ADGRE1: variants seen among roughly 807,000 people sequenced by gnomAD.
ADGRE1 encodes the protein EGF-like module receptor 1.
Under a neutral mutation model 102.7 loss-of-function variants are expected in ADGRE1, and 82 were observed. That is an observed-to-expected ratio of 0.80 (90% CI 0.67 to 0.96). ADGRE1 has a LOEUF of 0.96. Among genes scored for constraint, ADGRE1 ranks in the 40% least tolerant of loss-of-function variants. The probability of loss-of-function intolerance (pLI) is 0.00; values close to 1 mark genes in which losing one functional copy is unlikely to be tolerated. For missense variants in ADGRE1, 1,032 were observed against 1,085.3 expected (o/e 0.95, Z 0.69); for synonymous variants, 398 against 399.6 (o/e 1.00, Z 0.05).
At chr19:6,894,971 G>T (rs1973498144) in intron 2 of ADGRE1, 1 of 152,164 alleles carries the variant, frequency 6.6e-6, no homozygotes, top group South Asian at 2.1e-4. Flanking sequence ...AGTGTTGATT[G>T]TTTCCATAGA....
intron 15 of ADGRE1, among the ~76,000 whole-genome samples, chr19:6,925,878 A>G (rs571236886): frequency 3.3e-5 from 5 of 151,542 alleles, no homozygotes; most frequent in Non-Finnish European, 7.4e-5. Flanking sequence ...GTATTTTTGT[A>G]TAGAGAGGGG....
rs1366285132 is a variant in ADGRE1 at position 6,887,644 on chromosome 19, G to A, written c.31+5G>A. 1.2e-6 allele frequency: 2 copies of A among 1,609,744 alleles called. No individual in the cohort carries two copies. Among genetic ancestry groups the A allele is most frequent in the Non-Finnish European group, 1.7e-6 (2 of 1,178,352 alleles). On this transcript the variant is annotated splice_donor_5th_base_variant and intron_variant, in intron 1 of 20. Coordinates refer to ENST00000312053, the MANE Select transcript of ADGRE1 (RefSeq NM_001974.5). Reference sequence around the variant, plus strand: ...TCAACCTGCTCCTCTTCTGGGGTGAGTGTGAGGCTGAATGGGGGGCTAGGG... The same window carrying A: ...TCAACCTGCTCCTCTTCTGGGGTGAATGTGAGGCTGAATGGGGGGCTAGGG...
chr19:6,936,891 G>A (rs1378617506), intron 18 of ADGRE1, among the ~76,000 whole-genome samples: 3 of 152,118 alleles, frequency 2.0e-5, no homozygotes, highest in Admixed American at 2.0e-4. Flanking sequence ...CCAAAGTGCT[G>A]GGATTACAAG....
intron 3 of ADGRE1, chr19:6,896,901 G>GAT: frequency 2.0e-6 from 1 of 504,508 alleles, no homozygotes; most frequent in Non-Finnish European, 3.4e-6. Context: ...GGATTCCAAG[G>GAT]ATAAGCATCC....
In ADGRE1 at chr19:6,887,637, G is replaced by A. The variant is rs375695828; in HGVS notation, c.29G>A (p.Trp10Ter). Reference sequence around the variant, plus strand: ...CGTGGCTTCAACCTGCTCCTCTTCTGGGGTGAGTGTGAGGCTGAATGGGGG... The same window carrying A: ...CGTGGCTTCAACCTGCTCCTCTTCTAGGGTGAGTGTGAGGCTGAATGGGGG... MRGFNLLLF[W>*]GCCVMHSWEG... is the part of the protein sequence containing the mutation. The change falls in exon 1 of 21, where the codon TGG becomes TAG. Residue 10 changes from tryptophan to a stop codon, truncating the protein, a stop_gained and splice_region_variant. Transcript: ENST00000312053. LOFTEE classifies it high-confidence loss of function. The A allele has an allele frequency of 6.2e-7, 1 of 1,611,440 alleles. No individual in the cohort carries two copies. Among genetic ancestry groups the A allele is most frequent in the South Asian group, 1.1e-5 (1 of 90,582 alleles).
chr19:6,940,217 G>A lies in ADGRE1; in HGVS notation c.*188G>A, dbSNP rs146954109. 1.1e-4 allele frequency: 69 copies of A among 648,194 alleles called. No homozygotes were observed. Among genetic ancestry groups the A allele is most frequent in the Admixed American group, 5.8e-4 (20 of 34,386 alleles). 40.2% of individuals were successfully genotyped at this position (648,194 alleles called of 1,614,324 possible). ...TGTATGCACTGATGAGAAATCAGGC[G>A]TTTCTGCTCCAAACGACCATTTTAT... On this transcript the variant is annotated 3_prime_UTR_variant, in exon 21 of 21. Transcript: ENST00000312053.
intron 16 of ADGRE1, among the ~76,000 whole-genome samples, chr19:6,926,852 A>C: frequency 7.4e-6 from 1 of 135,610 alleles, no homozygotes; most frequent in African/African-American, 2.8e-5. Context: ...TAACTTGATT[A>C]TTTTCCTTTT....
At chr19:6,923,975 G>A (rs1311175934) in intron 14 of ADGRE1, among the ~76,000 whole-genome samples, 1 of 151,308 alleles carries the variant, frequency 6.6e-6, no homozygotes, top group African/African-American at 2.4e-5. Flanking sequence ...TGAATAAATG[G>A]CATAGAAGAA....
chr19:6,933,964 T>C lies in ADGRE1; in HGVS notation c.2290-1023T>C, dbSNP rs370110895. ...AAACTCCACTCAAGTTCGCAGTCTA[T>C]GTCCTAACGTACTGGATGCACTTTG... On this transcript the variant is annotated intron_variant, in intron 17 of 20. Transcript: ENST00000312053. Among the ~76,000 whole-genome samples the C allele has an allele frequency of 3.9e-5, 6 of 152,246 alleles. No homozygotes were observed. The East Asian group carries it at 7.7e-4, about 20-fold the overall frequency.
In ADGRE1 at chr19:6,889,143, ATGATGATGGTGG is replaced by A. The variant is rs959350900; in HGVS notation, c.32-1326_32-1315del. On this transcript the variant is annotated intron_variant, in intron 1 of 20. Coordinates refer to ENST00000312053, the MANE Select transcript of ADGRE1 (RefSeq NM_001974.5). ...GATAATGGTGATGATAGGGATAATG[ATGATGATGGTGG>A]TGATGATGGTGTGATAATGACGATG... Among the ~76,000 whole-genome samples the A allele has an allele frequency of 5.1e-3, 772 of 151,252 alleles. 9 individuals are homozygous for A. Among genetic ancestry groups the A allele is most frequent in the African/African-American group, 0.018 (718 of 40,770 alleles).
intron 13 of ADGRE1, among the ~76,000 whole-genome samples, chr19:6,921,053 A>C (rs1336648113): frequency 6.6e-6 from 1 of 152,152 alleles, no homozygotes; most frequent in Non-Finnish European, 1.5e-5. Flanking sequence ...TGGGAGGTCT[A>C]TGCAGGAGGA....
intron 20 of ADGRE1, 91 bp downstream of exon 20, chr19:6,937,739 T>C: frequency 2.4e-6 from 3 of 1,241,960 alleles, no homozygotes; most frequent in Admixed American, 1.8e-5. Flanking sequence ...GGGTACTGAA[T>C]GGGAGCTGAG....
In ADGRE1 at chr19:6,940,287, GACCCAA is replaced by G; in HGVS notation, c.*260_*265del. The G allele has an allele frequency of 1.8e-6, 1 of 569,986 alleles. No individual in the cohort carries two copies. The highest frequency in any genetic ancestry group is 3.1e-6 in the Non-Finnish European group (1 of 320,732). 35.3% of individuals were successfully genotyped at this position (569,986 alleles called of 1,614,324 possible). On this transcript the variant is annotated 3_prime_UTR_variant, in exon 21 of 21. Transcript: ENST00000312053. ...TTCAATTCCAGAGTTTCTGAGAACAGACCCAAATTCAATGGCATGACCAAGAACACC... is the reference window on the plus strand; with the variant it reads ...TTCAATTCCAGAGTTTCTGAGAACAGATTCAATGGCATGACCAAGAACACC...
rs762050438 is a variant in ADGRE1 at position 6,897,211 on chromosome 19, T to G, written c.301T>G (p.Ser101Ala). 17 of 1,613,468 alleles carry G rather than the reference T, an allele frequency of 1.1e-5. No homozygotes were observed. In the Admixed American group the frequency reaches 2.7e-4, roughly 25 times the overall value. The change falls in exon 4 of 21, where the codon TCA becomes GCA. Residue 101 changes from serine (S) to alanine (A), a missense_variant. By Grantham distance (99) the Ser-to-Ala change is moderately conservative. Coordinates refer to ENST00000312053, the MANE Select transcript of ADGRE1 (RefSeq NM_001974.5). ...CGPNSSCKNL[S>A]GRYKCSCLDG... Reference sequence around the variant, plus strand: ...TCCTAACTCATCCTGCAAAAACCTGTCAGGGAGGTACAAGTGCAGCTGTTT... The same window carrying G: ...TCCTAACTCATCCTGCAAAAACCTGGCAGGGAGGTACAAGTGCAGCTGTTT...
At chr19:6,928,477 A>C (rs1190157963) in intron 17 of ADGRE1, 1 of 669,958 alleles carries the variant, frequency 1.5e-6, no homozygotes, top group African/African-American at 1.8e-5. Flanking sequence ...AATACAAAAA[A>C]TTAGCTGGGT....
chr19:6,927,663 GTTAT>G (rs1244267035), intron 16 of ADGRE1, among the ~76,000 whole-genome samples: 1 of 150,894 alleles, frequency 6.6e-6, no homozygotes, highest in Non-Finnish European at 1.5e-5. Flanking sequence ...TTATTTATTT[GTTAT>G]TTATTTATCT....
rs368981613 is a variant in ADGRE1 at position 6,916,339 on chromosome 19, G to A, written c.1391G>A (p.Cys464Tyr). The A allele has an allele frequency of 4.3e-6, 7 of 1,613,546 alleles. No homozygotes were observed. The highest frequency in any genetic ancestry group is 1.1e-5 in the South Asian group (1 of 91,032). The stretch of plus-strand genomic sequence containing the variant: ...AAGGGGGATAAGATGAAGATCGGGT[G>A]TTCCACAATTGAGGAATCTGAATCC... ...VAKGDKMKIGCSTIEESESTE... is the reference protein window; with the variant it reads ...VAKGDKMKIGYSTIEESESTE... Residue 464 changes from cysteine to tyrosine, a missense_variant, in exon 12 of 21, where the codon TGT becomes TAT. Transcript: ENST00000312053.
intron 6 of ADGRE1, among the ~76,000 whole-genome samples, chr19:6,903,398 C>T (rs1416182755): frequency 6.6e-6 from 1 of 152,156 alleles, no homozygotes; most frequent in East Asian, 1.9e-4. Context: ...ACTAGCTTAG[C>T]ATAATAGAAA....
chr19:6,925,361 G>A (rs1974855431), intron 15 of ADGRE1, among the ~76,000 whole-genome samples: 1 of 152,158 alleles, frequency 6.6e-6, no homozygotes, highest in African/African-American at 2.4e-5. Flanking sequence ...GACCTCAGGT[G>A]ATCCACCCGC....
Sources: allele counts gnomAD v4.1 joint callset (sites outside exome capture counted in the v4.1 genomes callset), GRCh38; gene constraint gnomAD v4.1.1; transcripts MANE v1.5; gene names NCBI Gene and HGNC (gene_info 2026-07-23, HGNC 2026-07-21).